The following PCDHA6 variants were observed in gnomAD, a reference collection of about 807,000 sequenced individuals.
PCDHA6 encodes protocadherin alpha 6.
Under a neutral mutation model 60.3 loss-of-function variants are expected in PCDHA6, and 55 were observed. The ratio of observed to expected loss-of-function variants is 0.91; its 90% CI spans 0.73 to 1.14. The LOEUF is 1.14. Ranked by LOEUF, PCDHA6 falls within the 50% of genes most tolerant of loss-of-function variation. The pLI, the probability that PCDHA6 is intolerant of heterozygous loss-of-function variation, is 0.00. For missense variants in PCDHA6, 1,327 were observed against 1,256.5 expected, an observed-to-expected ratio of 1.06 and a Z score of -0.85; for synonymous variants, 652 against 557.9, an observed-to-expected ratio of 1.17 and a Z score of -2.38.
chr5:140,898,349 C>A (rs1310511547), intron 1 of PCDHA6, among the ~76,000 whole-genome samples: 1 of 152,168 alleles, frequency 6.6e-6, no homozygotes, highest in African/African-American at 2.4e-5. Flanking sequence ...TTTAATCCAT[C>A]TTGAATTAAT....
chr5:140,876,855 A>C (rs371246236), intron 1 of PCDHA6: 7 of 1,613,934 alleles, frequency 4.3e-6, no homozygotes, highest in East Asian at 2.2e-5. Flanking sequence ...CCGAGTACAC[A>C]GTGTTCGTGA....
At chr5:140,834,079 C>T (rs1300614234) in intron 1 of PCDHA6, among the ~76,000 whole-genome samples, 1 of 152,142 alleles carries the variant, frequency 6.6e-6, no homozygotes, top group African/African-American at 2.4e-5. Context: ...GCTATTTTAA[C>T]CTTTAACAAC....
At chr5:140,921,071 T>C (rs2080004942) in intron 1 of PCDHA6, among the ~76,000 whole-genome samples, 1 of 152,054 alleles carries the variant, frequency 6.6e-6, no homozygotes, top group Admixed American at 6.6e-5. Flanking sequence ...CCTTGAACTC[T>C]TGGGCTCAAG....
chr5:140,870,358 G>C lies in PCDHA6; in HGVS notation c.2394+39873G>C, dbSNP rs201159213. The C allele has an allele frequency of 1.2e-5, 20 of 1,614,216 alleles. No homozygotes were observed. The Admixed American group carries it at 3.3e-4, about 27-fold the overall frequency. ...CGCCCTGGACCGCGAGAACGTGTGG[G>C]CCTATGAACTGGTGGTGACTGCGCG... On this transcript the variant is annotated intron_variant, in intron 1 of 3. Transcript: ENST00000529310.
At chr5:140,896,019 C>A (rs2065310725) in intron 1 of PCDHA6, among the ~76,000 whole-genome samples, 1 of 152,144 alleles carries the variant, frequency 6.6e-6, no homozygotes, top group African/African-American at 2.4e-5. Flanking sequence ...CCATGTTGGC[C>A]AGGCTGGTCT....
intron 1 of PCDHA6, chr5:140,853,906 C>T (rs2042902737): frequency 2.1e-6 from 2 of 955,058 alleles, no homozygotes; most frequent in African/African-American, 1.8e-5. Flanking sequence ...GGTGGCCTGA[C>T]ACCTGCAATC....
chr5:140,949,313 A>G (rs989940621), intron 1 of PCDHA6, among the ~76,000 whole-genome samples: 1 of 151,952 alleles, frequency 6.6e-6, no homozygotes, highest in Non-Finnish European at 1.5e-5. Context: ...GTAATGATTT[A>G]TAAATATAAA....
rs1554132238 is a variant in PCDHA6, at chr5:140,829,781, G to A, written c.1690G>A (p.Ala564Thr). 4 of 1,613,710 alleles carry A rather than the reference G, an allele frequency of 2.5e-6. No homozygotes were observed. The highest frequency in any genetic ancestry group is 2.7e-5 in the African/African-American group (2 of 74,936). ...GCTGGACGAGAACGACAACGCGCCG[G>A]CGCTGCTGGCGCCTCGGGTGGGTGG... ...FVLDENDNAPALLAPRVGGTG... is the reference protein window; with the variant it reads ...FVLDENDNAPTLLAPRVGGTG... The change falls in exon 1 of 4, where the codon GCG becomes ACG. Residue 564 changes from alanine (A) to threonine (T), a missense_variant. Physicochemically the swap from Ala to Thr is moderately conservative, Grantham distance 58 (BLOSUM62 0). Transcript: ENST00000529310.
Position 140,848,616 on chromosome 5 carries a change from C to T in PCDHA6, c.2394+18131C>T, listed in dbSNP as rs1196599675. ...CTACTCCGTCCCGGAGGAAGCCGAA[C>T]ACGGCACCTTCGTGGGCCGCATCGC... On this transcript the variant is annotated intron_variant, in intron 1 of 3. Transcript: ENST00000529310. 1.3e-5 allele frequency: 21 copies of T among 1,593,464 alleles called. 4 individuals carry two copies. The highest frequency in any genetic ancestry group is 1.8e-5 in the Non-Finnish European group (21 of 1,163,958).
chr5:140,903,431 A>G (rs1431018780), intron 1 of PCDHA6, among the ~76,000 whole-genome samples: 3 of 152,242 alleles, frequency 2.0e-5, no homozygotes, highest in South Asian at 2.1e-4. Context: ...CACAATATGT[A>G]TCAGTGGAAT....
intron 1 of PCDHA6, chr5:140,850,281 G>A: frequency 6.3e-7 from 1 of 1,595,580 alleles, no homozygotes. Context: ...GAAGGTGCGC[G>A]CAGTGGACGC....
At chr5:140,941,698 T>C (rs2093148440) in intron 1 of PCDHA6, among the ~76,000 whole-genome samples, 1 of 152,186 alleles carries the variant, frequency 6.6e-6, no homozygotes, top group African/African-American at 2.4e-5. Flanking sequence ...TCTTTGGGCT[T>C]AGCTTTCCTC....
intron 1 of PCDHA6, among the ~76,000 whole-genome samples, chr5:140,908,608 G>T (rs1350424326): frequency 6.6e-6 from 1 of 152,182 alleles, no homozygotes; most frequent in African/African-American, 2.4e-5. Flanking sequence ...GAAGGGCCTT[G>T]CTCCAAAATC....
chr5:140,875,556 C>A (rs781896642), intron 1 of PCDHA6: 2 of 1,614,010 alleles, frequency 1.2e-6, no homozygotes, highest in Non-Finnish European at 1.7e-6. Context: ...AGGTGGGGAG[C>A]GGCCAGCTCC....
intron 1 of PCDHA6, chr5:140,858,475 GAAT>G (rs2045440906): frequency 2.0e-6 from 3 of 1,517,006 alleles, no homozygotes; most frequent in East Asian, 4.9e-5. Context: ...TGTGCTTTAT[GAAT>G]AATATTTTCT....
In PCDHA6 at chr5:140,987,225, A is replaced by T. The variant is rs182444933; in HGVS notation, c.2542+4662A>T. On this transcript the variant is annotated intron_variant, in intron 3 of 3. Transcript: ENST00000529310. Reference sequence around the variant, plus strand: ...TGAGACTCCATCTCAAAAAAAAAAAAAATAATAAATAAAGAAAGAAAGACA... The same window carrying T: ...TGAGACTCCATCTCAAAAAAAAAAATAATAATAAATAAAGAAAGAAAGACA... 6.5e-3 allele frequency among the ~76,000 whole-genome samples: 935 copies of T among 143,134 alleles called. 9 individuals carry two copies. Among genetic ancestry groups the T allele is most frequent in the African/African-American group, 0.025 (815 of 32,962 alleles). The allele number at this position is 143,134 out of a possible 152,430, so 93.9% of individuals were successfully genotyped here. A position where few individuals can be genotyped will look rare whatever the true frequency, so the allele number is the denominator to read the frequency against.
intron 1 of PCDHA6, among the ~76,000 whole-genome samples, chr5:140,912,626 G>A (rs189482006): frequency 6.6e-6 from 1 of 152,190 alleles, no homozygotes; most frequent in East Asian, 1.9e-4. Context: ...CTCTGGATGA[G>A]ACTTTCAGTA....
chr5:140,855,021 T>C (rs910000039), intron 1 of PCDHA6, among the ~76,000 whole-genome samples: 2 of 149,920 alleles, frequency 1.3e-5, no homozygotes, highest in African/African-American at 4.9e-5. Context: ...ATGAAACTTC[T>C]TGTATAAAGG....
chr5:140,884,204 C>A (rs1410511984), intron 1 of PCDHA6: 1 of 1,613,382 alleles, frequency 6.2e-7, no homozygotes, highest in Non-Finnish European at 8.5e-7. Flanking sequence ...GCCGCACCAC[C>A]GCCTTCTGGT....
Sources: allele counts gnomAD v4.1 joint callset (sites outside exome capture counted in the v4.1 genomes callset), GRCh38; gene constraint gnomAD v4.1.1; transcripts MANE v1.5; gene names NCBI Gene and HGNC (gene_info 2026-07-23, HGNC 2026-07-21).